Variants in MCTP1 observed in about 807,000 individuals in gnomAD.
The protein encoded by MCTP1 is multiple C2 and transmembrane domain-containing protein 1.
A neutral mutation model predicts 120.6 loss-of-function variants in MCTP1; 69 were observed. The observed-to-expected ratio is 0.57, with a 90% CI of 0.47 to 0.70. The LOEUF (loss-of-function observed/expected upper bound fraction) is 0.70. Ranked by LOEUF, MCTP1 falls within the 30% of genes least tolerant of loss-of-function variation. MCTP1 has a pLI of 0.00. For missense variants in MCTP1, 1,203 were observed against 1,248.8 expected (o/e 0.96, Z 0.55); for synonymous variants, 529 against 493.1 (o/e 1.07, Z -0.96).
At chr5:95,165,568 C>T (rs1036495264) in intron 1 of MCTP1, among the ~76,000 whole-genome samples, 1 of 152,134 alleles carries the variant, frequency 6.6e-6, no homozygotes, top group East Asian at 1.9e-4. Context: ...AATCAAAACA[C>T]GTGTTACAAC....
At chr5:95,097,734 G>T (rs747437151) in intron 1 of MCTP1, among the ~76,000 whole-genome samples, 7 of 152,170 alleles carry the variant, frequency 4.6e-5, no homozygotes, top group Non-Finnish European at 8.8e-5. Context: ...CTGGATGAAG[G>T]TGTGGTAAGA....
Position 94,796,658 on chromosome 5 carries a change from T to TTA in MCTP1, c.2556+2353_2556+2354dup, listed in dbSNP as rs543353880. On this transcript the variant is annotated intron_variant, in intron 18 of 22. Transcript: ENST00000515393. ...ATATATGTAATATATATTATATATA[T>TTA]TATATATATATGTATTCTGTAACCA... Among the ~76,000 whole-genome samples the TTA allele has an allele frequency of 1.2e-3, 175 of 142,962 alleles. 3 individuals carry two copies. The South Asian group carries it at 0.013, about 11-fold the overall frequency. The allele number at this position is 142,962 out of a possible 152,430, so 93.8% of individuals were successfully genotyped here. A position where few individuals can be genotyped will look rare whatever the true frequency, so the allele number is the denominator to read the frequency against.
At chr5:95,197,843 G>A (rs1331211887) in intron 1 of MCTP1, among the ~76,000 whole-genome samples, 1 of 152,116 alleles carries the variant, frequency 6.6e-6, no homozygotes, top group African/African-American at 2.4e-5. Flanking sequence ...ATGCTCAAGT[G>A]CCTGATACAA....
chr5:94,782,121 A>C (rs767691670), intron 18 of MCTP1, among the ~76,000 whole-genome samples: 2 of 152,170 alleles, frequency 1.3e-5, no homozygotes. Context: ...TGAGGATCCA[A>C]TGAGATAATG....
intron 1 of MCTP1, among the ~76,000 whole-genome samples, chr5:95,214,877 A>AG (rs1373042829): frequency 0.014 from 772 of 54,594 alleles, 13 homozygotes; most frequent in African/African-American, 0.05. Context: ...GGGTGGGGGG[A>AG]GGGGGGAGGG....
At chr5:94,930,443 T>C (rs533255948) in intron 6 of MCTP1, among the ~76,000 whole-genome samples, 1 of 151,918 alleles carries the variant, frequency 6.6e-6, no homozygotes, top group East Asian at 1.9e-4. Flanking sequence ...CTGGCTAATT[T>C]TTGTATTTTT....
intron 1 of MCTP1, among the ~76,000 whole-genome samples, chr5:95,157,106 A>G (rs981514435): frequency 6.0e-4 from 92 of 152,346 alleles, no homozygotes; most frequent in African/African-American, 2.2e-3. Context: ...TAGTTATGTG[A>G]AAATTATAAA....
intron 5 of MCTP1, among the ~76,000 whole-genome samples, chr5:94,939,213 C>T (rs1230051672): frequency 2.0e-5 from 3 of 151,986 alleles, no homozygotes; most frequent in African/African-American, 4.8e-5. Context: ...TAGGGGAAAA[C>T]GCCAACAATA....
chr5:94,991,606 G>A (rs1285364482), intron 2 of MCTP1, among the ~76,000 whole-genome samples: 1 of 152,148 alleles, frequency 6.6e-6, no homozygotes, highest in Admixed American at 6.5e-5. Flanking sequence ...GCTTTAAAGA[G>A]TTTACGCCTG....
chr5:95,148,070 G>A (rs999804356), intron 1 of MCTP1, among the ~76,000 whole-genome samples: 1 of 152,208 alleles, frequency 6.6e-6, no homozygotes, highest in South Asian at 2.1e-4. Context: ...GAGGTCTGCT[G>A]CTAGCCTATT....
intron 12 of MCTP1, among the ~76,000 whole-genome samples, chr5:94,882,112 T>C (rs1800223848): frequency 6.6e-6 from 1 of 152,228 alleles, no homozygotes; most frequent in African/African-American, 2.4e-5. Context: ...TTTGGATTTA[T>C]ACTTTTTAAT....
chr5:94,987,532 G>A (rs1027634224), intron 2 of MCTP1, among the ~76,000 whole-genome samples: 5 of 152,054 alleles, frequency 3.3e-5, no homozygotes, highest in African/African-American at 7.2e-5. Context: ...CAATATTTAC[G>A]GAGTTTTAAA....
Position 95,195,118 on chromosome 5 carries a change from G to A in MCTP1, c.720+88738C>T, listed in dbSNP as rs112876430. 6.7e-3 allele frequency among the ~76,000 whole-genome samples: 1,014 copies of A among 152,268 alleles called. 7 individuals carry two copies. Among genetic ancestry groups the A allele is most frequent in the African/African-American group, 0.024 (982 of 41,552 alleles). On this transcript the variant is annotated intron_variant, in intron 1 of 22. Transcript: ENST00000515393. ...CCAAATGCAGAAGGTGGCACCAGGAGAGTCCTCATACACCGCACATCCTAG... is the reference window on the plus strand; with the variant it reads ...CCAAATGCAGAAGGTGGCACCAGGAAAGTCCTCATACACCGCACATCCTAG...
chr5:94,908,094 T>C (rs906833057), intron 10 of MCTP1, among the ~76,000 whole-genome samples: 15 of 152,098 alleles, frequency 9.9e-5, no homozygotes, highest in South Asian at 2.1e-4. Context: ...TATATAATTA[T>C]AATGAAATGC....
At chr5:94,784,841 C>A (rs570810608) in intron 18 of MCTP1, 1 of 152,114 alleles carries the variant, frequency 6.6e-6, no homozygotes, top group South Asian at 2.1e-4. Flanking sequence ...TAAAAGACTT[C>A]CTGATTTTTA....
At position 95,284,585 on chromosome 5, in the gene MCTP1, C is replaced by G. The variant is rs1395740550; in HGVS notation, c.-10G>C. On this transcript the variant is annotated 5_prime_UTR_variant, in exon 1 of 23. Transcript: ENST00000515393. This position sits in a 1 kb window ranked among gnomAD's most constrained non-coding sequence, Gnocchi z 5.2. ...CAGCCCGGGGCTCCATCCTCCACCC[C>G]CTGCTCCTCCTCTCCCCTCCTCCTC... is the stretch of plus-strand genomic sequence containing the variant. 3 of 1,416,780 alleles carry G rather than the reference C, an allele frequency of 2.1e-6. No individual in the cohort carries two copies. In the South Asian group the frequency reaches 4.6e-5, roughly 22 times the overall value. The allele number at this position is 1,416,780 out of a possible 1,614,324, so 87.8% of individuals were successfully genotyped here.
At chr5:95,054,136 T>C (rs1746734005) in intron 1 of MCTP1, among the ~76,000 whole-genome samples, 1 of 152,190 alleles carries the variant, frequency 6.6e-6, no homozygotes, top group East Asian at 1.9e-4. Flanking sequence ...AGTGATCTTA[T>C]TCTGCTCCAA....
chr5:94,851,542 C>A (rs940716935), intron 17 of MCTP1, among the ~76,000 whole-genome samples: 1 of 152,058 alleles, frequency 6.6e-6, no homozygotes, highest in African/African-American at 2.4e-5. Context: ...ATGTTCCACA[C>A]ATCCTTAATT....
At chr5:95,023,263 C>A (rs1838551988) in intron 1 of MCTP1, among the ~76,000 whole-genome samples, 1 of 152,192 alleles carries the variant, frequency 6.6e-6, no homozygotes, top group Non-Finnish European at 1.5e-5. Context: ...ATGAGCAAAA[C>A]CCTGGCCTTT....
Sources: gnomAD v4.1 joint callset for allele counts (sites outside exome capture counted in the v4.1 genomes callset) on GRCh38, gnomAD v4.1.1 for gene constraint, Gnocchi (gnomAD v3.1) non-coding constraint, MANE v1.5 for transcripts, NCBI Gene and HGNC (gene_info 2026-07-23, HGNC 2026-07-21) for gene names.